DIAPH2: variants seen among roughly 807,000 people sequenced by gnomAD.
DIAPH2 encodes the protein diaphanous related formin 2.
A neutral mutation model predicts 92.7 loss-of-function variants in DIAPH2; 35 were observed. The observed-to-expected ratio is 0.38, with a 90% CI of 0.29 to 0.50. The LOEUF (loss-of-function observed/expected upper bound fraction) is 0.50. DIAPH2 is among the 20% of genes least tolerant of loss of function. The probability of loss-of-function intolerance (pLI) is 0.94; values close to 1 mark genes in which losing one functional copy is unlikely to be tolerated. For synonymous variants in DIAPH2, 301 were observed against 280.4 expected, an observed-to-expected ratio of 1.07 and a Z score of -0.73; for missense variants, 701 against 819.5, an observed-to-expected ratio of 0.86 and a Z score of 1.77.
chrX:96,842,578 C>G (rs1168567823), intron 4 of DIAPH2, among the ~76,000 whole-genome samples: 1 of 111,966 alleles, frequency 8.9e-6, no homozygotes, highest in Non-Finnish European at 1.9e-5. Flanking sequence ...TATAAAATAC[C>G]TACTAGGTGC....
At chrX:96,872,114 A>T (rs770257398) in intron 4 of DIAPH2, among the ~76,000 whole-genome samples, 29 of 111,909 alleles carry the variant, frequency 2.6e-4, no homozygotes, top group Admixed American at 1.6e-3. Flanking sequence ...TAATAATCAC[A>T]TCAGGGTAAA....
chrX:97,445,271 A>G (rs1444920535), intron 26 of DIAPH2, among the ~76,000 whole-genome samples: 1 of 111,657 alleles, frequency 9.0e-6, no homozygotes, highest in Non-Finnish European at 1.9e-5. Flanking sequence ...GATTGTAAGC[A>G]TTATAGATTA....
chrX:96,955,758 A>G (rs2065806685), intron 15 of DIAPH2, among the ~76,000 whole-genome samples: 2 of 112,718 alleles, frequency 1.8e-5, no homozygotes, highest in African/African-American at 3.2e-5. Flanking sequence ...CTTTGACTCC[A>G]TGTCTCATAT....
chrX:97,010,726 A>G (rs991880398), intron 17 of DIAPH2, among the ~76,000 whole-genome samples: 4 of 112,212 alleles, frequency 3.6e-5, no homozygotes, highest in Non-Finnish European at 7.5e-5. Context: ...TATCATACTG[A>G]ACAGTTTTAG....
chrX:97,072,953 C>T lies in DIAPH2; in HGVS notation c.2063C>T (p.Ala688Val). ...TTTTTTCTTTCAGTTCAAAAGAACGCAGAAGCATTAGAAGAAAAGAAGACT... is the reference window on the plus strand; with the variant it reads ...TTTTTTCTTTCAGTTCAAAAGAACGTAGAAGCATTAGAAGAAAAGAAGACT... ...FATQIKVQKN[A>V]EALEEKKTGP... Residue 688 changes from alanine to valine, a missense_variant, in exon 18 of 27, where the codon GCA becomes GTA. Physicochemically the swap from Ala to Val is moderately conservative, Grantham distance 64. Coordinates refer to ENST00000324765, the MANE Select transcript of DIAPH2 (RefSeq NM_006729.5). 6.7e-6 allele frequency: 8 copies of T among 1,194,620 alleles called. No homozygotes were observed. Among genetic ancestry groups the T allele is most frequent in the Non-Finnish European group, 7.9e-6 (7 of 888,477 alleles).
intron 4 of DIAPH2, among the ~76,000 whole-genome samples, chrX:96,792,088 T>C (rs1345719154): frequency 8.9e-6 from 1 of 111,963 alleles, no homozygotes; most frequent in Non-Finnish European, 1.9e-5. Context: ...AGTGGCTCTT[T>C]ATTCTTCTGA....
intron 23 of DIAPH2, among the ~76,000 whole-genome samples, chrX:97,316,095 C>T (rs778710172): frequency 2.7e-5 from 3 of 111,307 alleles, no homozygotes; most frequent in Non-Finnish European, 5.6e-5. Context: ...AGTGATCTCA[C>T]GATGTTGAGA....
chrX:96,970,352 T>A (rs2147830718), intron 17 of DIAPH2, among the ~76,000 whole-genome samples: 1 of 110,016 alleles, frequency 9.1e-6, no homozygotes, highest in African/African-American at 3.3e-5. Flanking sequence ...TGGGTGTTGT[T>A]GTTTGTTTGT....
At chrX:97,010,110 G>A (rs1037060992) in intron 17 of DIAPH2, among the ~76,000 whole-genome samples, 19 of 112,060 alleles carry the variant, frequency 1.7e-4, no homozygotes, top group African/African-American at 5.5e-4. Flanking sequence ...AGTGAATCAG[G>A]TACAAATTGC....
intron 26 of DIAPH2, among the ~76,000 whole-genome samples, chrX:97,482,049 C>T (rs2070654510): frequency 1.8e-5 from 2 of 111,435 alleles, no homozygotes; most frequent in African/African-American, 3.3e-5. Context: ...GCATCTTTGG[C>T]CAATGAAAAG....
chrX:96,962,506 T>C (rs748279486), intron 16 of DIAPH2, among the ~76,000 whole-genome samples: 1 of 87,625 alleles, frequency 1.1e-5, no homozygotes, highest in Non-Finnish European at 2.1e-5. Flanking sequence ...CATATATATA[T>C]ATATATATAT....
At position 96,745,311 on chromosome X, in the gene DIAPH2, G is replaced by A. The variant is rs185319191; in HGVS notation, c.342+6549G>A. Among the ~76,000 whole-genome samples the A allele has an allele frequency of 1.5e-4, 17 of 111,494 alleles. 1 individual carries two copies. Among genetic ancestry groups the A allele is most frequent in the Middle Eastern group, 9.3e-3 (2 of 216 alleles). On this transcript the variant is annotated intron_variant, in intron 3 of 26. Transcript: ENST00000324765. ...ATGAGCCACCGTGCCCAGCCAAAAC[G>A]TTTTAAATAATTGCAGCACATAGCA...
At position 97,114,831 on chromosome X, in the gene DIAPH2, C is replaced by G; in HGVS notation, c.2455C>G (p.Leu819Val). The G allele has an allele frequency of 8.3e-7, 1 of 1,211,440 alleles. No individual in the cohort carries two copies. Among genetic ancestry groups the G allele is most frequent in the Non-Finnish European group, 1.1e-6 (1 of 895,306 alleles). Reference sequence around the variant, plus strand: ...CAAACCAAGCATCATAGCAGTAACTCTTGCCTGTGAAGAACTGAAGAAAAG... The same window carrying G: ...CAAACCAAGCATCATAGCAGTAACTGTTGCCTGTGAAGAACTGAAGAAAAG... Reference protein sequence around the residue: ...NIKPSIIAVTLACEELKKSES... With the variant: ...NIKPSIIAVTVACEELKKSES... The change falls in exon 21 of 27, where the codon CTT (leucine) becomes GTT (valine). Residue 819 changes from leucine to valine, a missense_variant. By Grantham distance (32) the Leu-to-Val change is conservative. This residue lies in a region of DIAPH2 where 536 missense variants were observed against 599.3 expected (regional missense o/e 0.89). Coordinates refer to ENST00000324765, the MANE Select transcript of DIAPH2 (RefSeq NM_006729.5).
intron 5 of DIAPH2, chrX:96,884,623 C>T: frequency 3.3e-6 from 4 of 1,210,054 alleles, no homozygotes; most frequent in East Asian, 3.0e-5. Context: ...AATCGAGGCC[C>T]GACAGTGGTT....
At chrX:96,844,586 A>G (rs1240073054) in intron 4 of DIAPH2, among the ~76,000 whole-genome samples, 1 of 112,487 alleles carries the variant, frequency 8.9e-6, no homozygotes, top group African/African-American at 3.2e-5. Flanking sequence ...AAATAGTACA[A>G]CTTTCATTGA....
chrX:96,907,996 A>AT (rs1247738050), intron 5 of DIAPH2, among the ~76,000 whole-genome samples: 1 of 112,085 alleles, frequency 8.9e-6, no homozygotes, highest in Admixed American at 9.4e-5. Context: ...ATGCTAAGTA[A>AT]AAGAAGCCAA....
chrX:97,217,034 G>A (rs1352940034), intron 22 of DIAPH2, among the ~76,000 whole-genome samples: 2 of 111,535 alleles, frequency 1.8e-5, no homozygotes, highest in Non-Finnish European at 3.8e-5. Flanking sequence ...AATATTAATT[G>A]GTTTAGCATG....
intron 1 of DIAPH2, among the ~76,000 whole-genome samples, chrX:96,728,600 A>T: frequency 8.9e-6 from 1 of 112,260 alleles, no homozygotes; most frequent in Non-Finnish European, 1.9e-5. Flanking sequence ...TGTTGGGTAT[A>T]AAATGGGTGC....
chrX:97,107,493 C>G (rs1168321564), intron 20 of DIAPH2, among the ~76,000 whole-genome samples: 1 of 111,720 alleles, frequency 9.0e-6, no homozygotes, highest in Non-Finnish European at 1.9e-5. Context: ...AGGTTCTGCC[C>G]TGGAGGAGGT....
Sources: gnomAD v4.1 joint callset for allele counts (sites outside exome capture counted in the v4.1 genomes callset) on GRCh38, gnomAD v4.1.1 for gene constraint, gnomAD v4.1.1 regional missense constraint, MANE v1.5 for transcripts, NCBI Gene and HGNC (gene_info 2026-07-23, HGNC 2026-07-21) for gene names.